L1TD1: variants seen among roughly 807,000 people sequenced by gnomAD.
The protein encoded by L1TD1 is LINE-1 type transposase domain-containing protein 1.
A neutral mutation model predicts 25.7 loss-of-function variants in L1TD1; 26 were observed. That is an observed-to-expected ratio of 1.01 (90% CI 0.74 to 1.40). The LOEUF (loss-of-function observed/expected upper bound fraction) is 1.40. L1TD1 is among the 40% of genes most tolerant of loss of function. The probability of loss-of-function intolerance (pLI) is 0.00; values close to 1 mark genes in which losing one functional copy is unlikely to be tolerated. For synonymous variants in L1TD1, 421 were observed against 335.6 expected, an observed-to-expected ratio of 1.25 and a Z score of -2.78; for missense variants, 1,130 against 975.0, an observed-to-expected ratio of 1.16 and a Z score of -2.12.
intron 2 of L1TD1, among the ~76,000 whole-genome samples, chr1:62,197,183 C>G (rs181003242): frequency 6.6e-6 from 1 of 151,478 alleles, no homozygotes; most frequent in Non-Finnish European, 1.5e-5. Flanking sequence ...GTCAGCAGTT[C>G]GAGACCAGTC....
At chr1:62,204,559 C>G (rs926491127) in intron 2 of L1TD1, among the ~76,000 whole-genome samples, 4 of 151,976 alleles carry the variant, frequency 2.6e-5, no homozygotes, top group African/African-American at 9.7e-5. Context: ...ATTTTTATTG[C>G]AATGAAAAAT....
In L1TD1 at chr1:62,209,711, A is replaced by G. The variant is rs1392480799; in HGVS notation, c.1009-72A>G. 20 of 1,222,672 alleles carry G rather than the reference A, an allele frequency of 1.6e-5. No homozygotes were observed. The East Asian group carries it at 4.3e-4, about 26-fold the overall frequency. 75.7% of individuals were successfully genotyped at this position (1,222,672 alleles called of 1,614,324 possible). On this transcript the variant is annotated intron_variant, in intron 3 of 3. Transcript: ENST00000498273. ...AGCCATATTAAAATTAGTGAAATTG[A>G]AATTTTAATTCTTTAAAAGACAAAT...
chr1:62,211,229 T>A lies in L1TD1; in HGVS notation c.2455T>A (p.Phe819Ile). 1 of 1,568,978 alleles carries A rather than the reference T, an allele frequency of 6.4e-7. No homozygotes were observed. The highest frequency in any genetic ancestry group is 1.9e-5 in the Admixed American group (1 of 52,228). The stretch of plus-strand genomic sequence containing the variant: ...CTTCAAAGTTCTGCTGGAAAAAGGC[T>A]TTAATCCTAGAATCCTATATCCAGC... ...NVFKVLLEKGFNPRILYPAKM... is the reference protein window; with the variant it reads ...NVFKVLLEKGINPRILYPAKM... The change falls in exon 4 of 4, where the codon TTT (phenylalanine) becomes ATT (isoleucine). Residue 819 changes from phenylalanine to isoleucine, a missense_variant. Physicochemically the swap from Phe to Ile is conservative, Grantham distance 21. Transcript: ENST00000498273.
Position 62,211,093 on chromosome 1 carries a change from A to T in L1TD1, c.2319A>T (p.Ile773=), listed in dbSNP as rs1303387055. 1 of 1,550,674 alleles carries T rather than the reference A, an allele frequency of 6.4e-7. No homozygotes were observed. Among genetic ancestry groups the T allele is most frequent in the East Asian group, 2.4e-5 (1 of 40,904 alleles). ...KFWNSSDKEK[I]IRASRERREI... ...GGAATTCTAGTGATAAAGAGAAAAT[A>T]ATAAGGGCTTCTAGAGAGAGAAGAG... Residue 773 remains isoleucine (I), a synonymous_variant, in exon 4 of 4, where the codon ATA becomes ATT. Coordinates refer to ENST00000498273, the MANE Select transcript of L1TD1 (RefSeq NM_019079.5).
intron 2 of L1TD1, among the ~76,000 whole-genome samples, chr1:62,202,224 T>C (rs1328449931): frequency 2.0e-5 from 3 of 151,510 alleles, no homozygotes; most frequent in Admixed American, 6.6e-5. Context: ...CGCTTGAACC[T>C]GGGAGGTGGA....
At chr1:62,201,629 A>G (rs1340362028) in intron 2 of L1TD1, among the ~76,000 whole-genome samples, 1 of 152,148 alleles carries the variant, frequency 6.6e-6, no homozygotes, top group Non-Finnish European at 1.5e-5. Context: ...TGTGTTTTAA[A>G]GTAAATCCCA....
Position 62,209,769 on chromosome 1 carries a change from T to C in L1TD1, c.1009-14T>C, listed in dbSNP as rs751353392. ...ACAAATAACTCTTTTTTTTCTTCTTTGTTTAACTTTCAGGATAAAACCCTA... is the reference window on the plus strand; with the variant it reads ...ACAAATAACTCTTTTTTTTCTTCTTCGTTTAACTTTCAGGATAAAACCCTA... On this transcript the variant is annotated splice_polypyrimidine_tract_variant and intron_variant, in intron 3 of 3. Transcript: ENST00000498273. The C allele has an allele frequency of 1.4e-5, 21 of 1,462,250 alleles. No individual in the cohort carries two copies. Among genetic ancestry groups the C allele is most frequent in the Admixed American group, 4.8e-5 (2 of 41,932 alleles). The allele number at this position is 1,462,250 out of a possible 1,614,324, so 90.6% of individuals were successfully genotyped here. A position where few individuals can be genotyped will look rare whatever the true frequency, so the allele number is the denominator to read the frequency against.
At position 62,204,938 on chromosome 1, in the gene L1TD1, G is replaced by A. The variant is rs547116495; in HGVS notation, c.-110-1581G>A. Among the ~76,000 whole-genome samples the A allele has an allele frequency of 4.6e-5, 7 of 152,042 alleles. No individual in the cohort carries two copies. In the East Asian group the frequency reaches 1.4e-3, roughly 29 times the overall value. ...ACTACAGTGCACGCCACCACACCAGGCTAATTTTTGTTAGAGACAGTTTCA... is the reference window on the plus strand; with the variant it reads ...ACTACAGTGCACGCCACCACACCAGACTAATTTTTGTTAGAGACAGTTTCA... On this transcript the variant is annotated intron_variant, in intron 2 of 3. Transcript: ENST00000498273.
rs1347888136 is a variant in L1TD1, at chr1:62,207,601, C to A, written c.973C>A (p.Gln325Lys). ...DVLPQKEEIN[Q>K]GGRKYGIQEK... is the part of the protein sequence containing the mutation. ...ACTCCCACAAAAGGAAGAAATAAAT[C>A]AAGGAGGAAGAAAATATGGAATTCA... The change falls in exon 3 of 4, where the codon CAA (glutamine) becomes AAA (lysine). Residue 325 changes from glutamine to lysine, a missense_variant. Gln to Lys is a moderately conservative substitution (Grantham distance 53, BLOSUM62 1). Coordinates refer to ENST00000498273, the MANE Select transcript of L1TD1 (RefSeq NM_019079.5). The A allele has an allele frequency of 2.6e-6, 4 of 1,541,112 alleles. No individual in the cohort carries two copies. The highest frequency in any genetic ancestry group is 1.4e-5 in the African/African-American group (1 of 72,134).
intron 2 of L1TD1, among the ~76,000 whole-genome samples, chr1:62,205,429 A>ATTTTTTTTTTTTTTTT (rs1557443570): frequency 2.7e-5 from 1 of 36,860 alleles, no homozygotes; most frequent in African/African-American, 8.7e-5. Flanking sequence ...ATATATATAT[A>ATTTTTTTTTTTTTTTT]TATATATATA....
chr1:62,207,625 C>G lies in L1TD1; in HGVS notation c.997C>G (p.Gln333Glu). ...TCAAGGAGGAAGAAAATATGGAATT[C>G]AAGAAAAAAGGGTAAGCATACAAAT... ...INQGGRKYGI[Q>E]EKRDKTLIDS... is the part of the protein sequence containing the mutation. The change falls in exon 3 of 4, where the codon CAA becomes GAA. Residue 333 changes from glutamine to glutamate, a missense_variant. Physicochemically the swap from Gln to Glu is conservative, Grantham distance 29. Coordinates refer to ENST00000498273, the MANE Select transcript of L1TD1 (RefSeq NM_019079.5). 3.3e-6 allele frequency: 5 copies of G among 1,522,592 alleles called. No individual in the cohort carries two copies. The highest frequency in any genetic ancestry group is 3.5e-6 in the Non-Finnish European group (4 of 1,137,004). 94.3% of individuals were successfully genotyped at this position (1,522,592 alleles called of 1,614,324 possible).
chr1:62,197,959 C>G (rs1670574773), intron 2 of L1TD1, among the ~76,000 whole-genome samples: 1 of 151,828 alleles, frequency 6.6e-6, no homozygotes, highest in East Asian at 1.9e-4. Context: ...CTTATTGAAC[C>G]AAAATATGTT....
Position 62,201,287 on chromosome 1 carries a change from A to G in L1TD1, c.-111+4759A>G, listed in dbSNP as rs958230568. ...AATAAAGGCACAATTGTTATCAGAA[A>G]AATTTGTCCTTATGTGCCTGTAGAA... On this transcript the variant is annotated intron_variant, in intron 2 of 3. Coordinates refer to ENST00000498273, the MANE Select transcript of L1TD1 (RefSeq NM_019079.5). Among the ~76,000 whole-genome samples, 11 of 152,038 alleles carry G rather than the reference A, an allele frequency of 7.2e-5. No individual in the cohort carries two copies. The South Asian group carries it at 2.3e-3, about 32-fold the overall frequency.
At chr1:62,206,123 C>T (rs900328585) in intron 2 of L1TD1, among the ~76,000 whole-genome samples, 1 of 152,162 alleles carries the variant, frequency 6.6e-6, no homozygotes, top group African/African-American at 2.4e-5. Flanking sequence ...AACTATTTCT[C>T]AATTTTGCGT....
rs765069059 is a variant in L1TD1 at position 62,207,008 on chromosome 1, GTGA to G, written c.385_387del (p.Asp129del). 20 of 1,613,114 alleles carry G rather than the reference GTGA, an allele frequency of 1.2e-5. No homozygotes were observed. The highest frequency in any genetic ancestry group is 1.5e-5 in the Non-Finnish European group (18 of 1,179,764). On this transcript the variant is annotated inframe_deletion, in exon 3 of 4. Transcript: ENST00000498273. ...ATAGAAGGAGAAAACTCTAAAATAG[GTGA>G]TGATAATGAAAATTTAACCTTTAAA...
intron 2 of L1TD1, among the ~76,000 whole-genome samples, chr1:62,196,817 C>G (rs976131762): frequency 6.6e-6 from 1 of 151,958 alleles, no homozygotes; most frequent in Non-Finnish European, 1.5e-5. Flanking sequence ...GTCTCGAGCT[C>G]CTGACCTCAG....
At chr1:62,202,118 C>T (rs991962665) in intron 2 of L1TD1, among the ~76,000 whole-genome samples, 1 of 152,128 alleles carries the variant, frequency 6.6e-6, no homozygotes, top group Non-Finnish European at 1.5e-5. Context: ...CTGACCAACA[C>T]GGAGAAACCT....
rs750341195 is a variant in L1TD1 at position 62,207,089 on chromosome 1, GTAA to G, written c.463_465del (p.Asn155del). 1.4e-5 allele frequency: 22 copies of G among 1,611,840 alleles called. No homozygotes were observed. The highest frequency in any genetic ancestry group is 1.9e-5 in the Non-Finnish European group (22 of 1,178,828). On this transcript the variant is annotated inframe_deletion, in exon 3 of 4. Transcript: ENST00000498273. ...TTAGACAACACTAACGAATACAATA[GTAA>G]TGATGGTAAGAAATTACCCCAGGGT...
chr1:62,211,126 C>T lies in L1TD1; in HGVS notation c.2352C>T (p.Thr784=), dbSNP rs541974515. Residue 784 remains threonine (T), a synonymous_variant, in exon 4 of 4, where the codon ACC becomes ACT. Coordinates refer to ENST00000498273, the MANE Select transcript of L1TD1 (RefSeq NM_019079.5). ...CTTCTAGAGAGAGAAGAGAAATTAC[C>T]TACCAAGGAACAAGAATCAGGTTGA... ...IRASRERREI[T]YQGTRIRLTA... is the part of the protein sequence containing the mutation. The T allele has an allele frequency of 2.6e-6, 4 of 1,548,566 alleles. No individual in the cohort carries two copies. In the African/African-American group the frequency reaches 4.1e-5, roughly 16 times the overall value.
Sources: gnomAD v4.1 joint callset for allele counts (sites outside exome capture counted in the v4.1 genomes callset) on GRCh38, gnomAD v4.1.1 for gene constraint, MANE v1.5 for transcripts, NCBI Gene and HGNC (gene_info 2026-07-23, HGNC 2026-07-21) for gene names.